Variants in RAPGEF6 observed in about 807,000 individuals in gnomAD.
RAPGEF6 encodes the protein Rap guanine nucleotide exchange factor 6.
RAPGEF6 carries 56 observed loss-of-function variants against 171.4 expected under a neutral mutation model. That is an observed-to-expected ratio of 0.33 (90% CI 0.26 to 0.41). RAPGEF6 has a LOEUF of 0.41. Among genes scored for constraint, RAPGEF6 ranks in the 10% least tolerant of loss-of-function variants. RAPGEF6 has a pLI of 1.00. For synonymous variants in RAPGEF6, 692 were observed against 650.1 expected (o/e 1.06, Z -0.98); for missense variants, 1,674 against 1,921.4 (o/e 0.87, Z 2.41).
intron 19 of RAPGEF6, among the ~76,000 whole-genome samples, chr5:131,460,845 C>T (rs1418265070): frequency 6.6e-6 from 1 of 152,120 alleles, no homozygotes. Flanking sequence ...ACTTTTTAAT[C>T]TTAATCTACA....
At chr5:131,489,779 G>C (rs1756159929) in intron 14 of RAPGEF6, 125 bp from the exon 15 acceptor site, 3 of 490,104 alleles carry the variant, frequency 6.1e-6, no homozygotes, top group Middle Eastern at 5.3e-4. Context: ...GTGAACAACA[G>C]TTATCTCTGT....
chr5:131,553,170 C>T (rs1761027521), intron 5 of RAPGEF6, among the ~76,000 whole-genome samples: 1 of 152,140 alleles, frequency 6.6e-6, no homozygotes, highest in Admixed American at 6.5e-5. Flanking sequence ...TGCTGAAGCA[C>T]AAGAGCACAG....
chr5:131,430,670 G>T, intron 26 of RAPGEF6, 189 bp downstream of exon 26: 2 of 808,456 alleles, frequency 2.5e-6, no homozygotes, highest in Non-Finnish European at 4.3e-6. Context: ...TTTTAATGGG[G>T]TTGAATAGCT....
chr5:131,612,682 A>C (rs1308327435), intron 1 of RAPGEF6, among the ~76,000 whole-genome samples: 1 of 152,172 alleles, frequency 6.6e-6, no homozygotes, highest in African/African-American at 2.4e-5. Flanking sequence ...AATACACAAA[A>C]GTTAGGTTAT....
rs756073380 is a variant in RAPGEF6, at chr5:131,430,697, GAA to G, written c.4465+160_4465+161del. 14 of 1,032,624 alleles carry G rather than the reference GAA, an allele frequency of 1.4e-5. No individual in the cohort carries two copies. The East Asian group carries it at 3.1e-4, about 23-fold the overall frequency. 64.0% of individuals were successfully genotyped at this position (1,032,624 alleles called of 1,614,324 possible). A position where few individuals can be genotyped will look rare whatever the true frequency, so the allele number is the denominator to read the frequency against. ...TGAATAGCTGCTCCAAAGTCTTTGAGAAACCATGAATTTTTGGGAAATAACTT... is the reference window on the plus strand; with the variant it reads ...TGAATAGCTGCTCCAAAGTCTTTGAGACCATGAATTTTTGGGAAATAACTT... On this transcript the variant is annotated intron_variant, in intron 26 of 27. Coordinates refer to ENST00000509018, the MANE Select transcript of RAPGEF6 (RefSeq NM_016340.6).
At chr5:131,482,794 C>T (rs1755579233) in intron 15 of RAPGEF6, among the ~76,000 whole-genome samples, 1 of 152,142 alleles carries the variant, frequency 6.6e-6, no homozygotes, top group Non-Finnish European at 1.5e-5. Flanking sequence ...AGCAAGTCAT[C>T]TTGTAAAAAG....
intron 6 of RAPGEF6, among the ~76,000 whole-genome samples, chr5:131,539,718 C>T (rs1439634009): frequency 6.6e-6 from 1 of 152,178 alleles, no homozygotes; most frequent in Non-Finnish European, 1.5e-5. Context: ...TAATAATCAC[C>T]TCTTATTGAG....
intron 5 of RAPGEF6, among the ~76,000 whole-genome samples, chr5:131,549,211 T>C (rs904905325): frequency 2.0e-5 from 3 of 152,158 alleles, no homozygotes; most frequent in Admixed American, 6.5e-5. Flanking sequence ...TTTATAAAGG[T>C]ATATTGATAT....
At chr5:131,535,388 A>C (rs1245312007) in intron 6 of RAPGEF6, among the ~76,000 whole-genome samples, 1 of 152,194 alleles carries the variant, frequency 6.6e-6, no homozygotes, top group African/African-American at 2.4e-5. Context: ...AAAATAAATG[A>C]CTAGGTGAAT....
At chr5:131,557,637 T>C (rs937470469) in intron 5 of RAPGEF6, among the ~76,000 whole-genome samples, 5 of 152,198 alleles carry the variant, frequency 3.3e-5, no homozygotes, top group African/African-American at 1.2e-4. Flanking sequence ...AAGTTTTCAA[T>C]GTTTATTATA....
At chr5:131,490,555 T>C (rs1756212391) in intron 14 of RAPGEF6, among the ~76,000 whole-genome samples, 1 of 152,196 alleles carries the variant, frequency 6.6e-6, no homozygotes, top group South Asian at 2.1e-4. Context: ...TGTGGGAAGA[T>C]AACCCAAAGG....
intron 6 of RAPGEF6, among the ~76,000 whole-genome samples, chr5:131,531,788 G>A (rs1410414491): frequency 6.6e-6 from 1 of 152,064 alleles, no homozygotes; most frequent in Non-Finnish European, 1.5e-5. Context: ...TTAAGAAAAT[G>A]AAGCAAGTTA....
chr5:131,626,069 A>G (rs895373429), intron 1 of RAPGEF6, among the ~76,000 whole-genome samples: 1 of 152,178 alleles, frequency 6.6e-6, no homozygotes, highest in African/African-American at 2.4e-5. Context: ...TCCTTTATTT[A>G]TAAGATGGAG....
At chr5:131,440,444 C>T (rs555088500) in intron 23 of RAPGEF6, among the ~76,000 whole-genome samples, 4 of 151,974 alleles carry the variant, frequency 2.6e-5, no homozygotes, top group African/African-American at 9.7e-5. Context: ...GTTCTTAAAA[C>T]ATAAAGTAAG....
intron 15 of RAPGEF6, among the ~76,000 whole-genome samples, chr5:131,486,559 G>C (rs948031655): frequency 1.3e-5 from 2 of 151,916 alleles, no homozygotes; most frequent in Admixed American, 1.3e-4. Flanking sequence ...AGATATCCTG[G>C]AATAGAGCTT....
In RAPGEF6 at chr5:131,435,134, T is replaced by A. The variant is rs554496806; in HGVS notation, c.3746-1476A>T. ...CATATAACTCAAGTCATTTAAGGAATAATTTGTTGCACAGTAATCTTATTA... is the reference window on the plus strand; with the variant it reads ...CATATAACTCAAGTCATTTAAGGAAAAATTTGTTGCACAGTAATCTTATTA... On this transcript the variant is annotated intron_variant, in intron 24 of 27. Coordinates refer to ENST00000509018, the MANE Select transcript of RAPGEF6 (RefSeq NM_016340.6). Among the ~76,000 whole-genome samples the A allele has an allele frequency of 2.0e-4, 31 of 152,324 alleles. No homozygotes were observed. The South Asian group carries it at 6.4e-3, about 32-fold the overall frequency.
At chr5:131,612,377 G>T (rs1265796719) in intron 1 of RAPGEF6, among the ~76,000 whole-genome samples, 1 of 151,848 alleles carries the variant, frequency 6.6e-6, no homozygotes, top group Non-Finnish European at 1.5e-5. Flanking sequence ...CCCAACTGTA[G>T]GCTAATGTAA....
At chr5:131,621,342 T>G (rs865779287) in intron 1 of RAPGEF6, among the ~76,000 whole-genome samples, 1 of 152,186 alleles carries the variant, frequency 6.6e-6, no homozygotes, top group South Asian at 2.1e-4. Flanking sequence ...CAGGCTGAAG[T>G]GCAGTGGCAC....
intron 16 of RAPGEF6, among the ~76,000 whole-genome samples, chr5:131,478,886 A>G (rs1755281282): frequency 6.6e-6 from 1 of 152,204 alleles, no homozygotes; most frequent in South Asian, 2.1e-4. Context: ...ATAAATATAA[A>G]CTGAGTGCCT....
Sources: allele counts gnomAD v4.1 joint callset (sites outside exome capture counted in the v4.1 genomes callset), GRCh38; gene constraint gnomAD v4.1.1; transcripts MANE v1.5; gene names NCBI Gene and HGNC (gene_info 2026-07-23, HGNC 2026-07-21).